TUSC3: variants seen among roughly 807,000 people sequenced by gnomAD.
TUSC3 encodes dolichyl-diphosphooligosaccharide--protein glycosyltransferase subunit TUSC3.
TUSC3 carries 45 observed loss-of-function variants against 44.8 expected under a neutral mutation model. The observed-to-expected ratio is 1.00, with a 90% CI of 0.79 to 1.29. TUSC3 has a LOEUF of 1.29. Among genes scored for constraint, TUSC3 ranks in the 50% most tolerant of loss-of-function variants. TUSC3 has a pLI of 0.00. For synonymous variants in TUSC3, 212 were observed against 152.9 expected (o/e 1.39, Z -2.85); for missense variants, 519 against 437.9 (o/e 1.19, Z -1.65).
chr8:15,739,010 C>G (rs920048650), intron 7 of TUSC3, among the ~76,000 whole-genome samples: 3 of 151,000 alleles, frequency 2.0e-5, no homozygotes, highest in African/African-American at 7.3e-5. Context: ...TTTTTGTATT[C>G]TTAATAGAGA....
chr8:15,525,219 C>T (rs1001923582), intron 2 of TUSC3, among the ~76,000 whole-genome samples: 3 of 152,118 alleles, frequency 2.0e-5, no homozygotes, highest in African/African-American at 7.2e-5. Context: ...CCTTCTTTTC[C>T]TCTATACCTA....
chr8:15,434,421 T>C (rs1799918265), intron 1 of TUSC3, among the ~76,000 whole-genome samples: 1 of 152,192 alleles, frequency 6.6e-6, no homozygotes, highest in Admixed American at 6.5e-5. Flanking sequence ...AGATTGTGAC[T>C]TTTCTTTTTT....
intron 2 of TUSC3, among the ~76,000 whole-genome samples, chr8:15,643,435 A>G (rs1806477382): frequency 6.6e-6 from 1 of 151,846 alleles, no homozygotes; most frequent in Non-Finnish European, 1.5e-5. Context: ...AGGAGAACCA[A>G]AATTTCTTTG....
chr8:15,523,708 GTATA>G lies in TUSC3; in HGVS notation n.189+40240_189+40243del, dbSNP rs71211051. ...TGTGTGTGTGTGTGTGTGTGTGTGT[GTATA>G]TATATATATATATAAAGTAGTTCTT... On this transcript the variant is annotated intron_variant and non_coding_transcript_variant, in intron 2 of 5. Transcript: ENST00000503191. Among the ~76,000 whole-genome samples the G allele has an allele frequency of 6.9e-3, 778 of 112,476 alleles. 48 individuals carry two copies. The highest frequency in any genetic ancestry group is 0.015 in the African/African-American group (394 of 25,526). 73.8% of individuals were successfully genotyped at this position (112,476 alleles called of 152,430 possible). A position where few individuals can be genotyped will look rare whatever the true frequency, so the allele number is the denominator to read the frequency against.
At chr8:15,784,535 T>C in the TUSC3 span, among the ~76,000 whole-genome samples, 2 of 151,952 alleles carry the variant, frequency 1.3e-5, no homozygotes, top group Non-Finnish European at 2.9e-5. Flanking sequence ...TATATACATA[T>C]GTGTGTGTGT....
At chr8:15,540,168 C>T, upstream of TUSC3, 1 of 427,606 alleles carries the variant, frequency 2.3e-6, no homozygotes, top group Admixed American at 4.6e-5. Flanking sequence ...GGAGCGCACG[C>T]CGCGCCCCCG....
chr8:15,751,159 A>C (rs1211494823), intron 9 of TUSC3, among the ~76,000 whole-genome samples: 3 of 152,176 alleles, frequency 2.0e-5, no homozygotes, highest in Non-Finnish European at 4.4e-5. Flanking sequence ...CTGTTAGGCA[A>C]CTTTAGATTC....
chr8:15,679,133 T>G (rs1733289000), intron 6 of TUSC3, among the ~76,000 whole-genome samples: 1 of 152,324 alleles, frequency 6.6e-6, no homozygotes, highest in African/African-American at 2.4e-5. Flanking sequence ...GTAACGAGAT[T>G]GCTAGGTAGA....
the TUSC3 span, among the ~76,000 whole-genome samples, chr8:15,808,056 A>C: frequency 6.6e-6 from 1 of 152,176 alleles, no homozygotes; most frequent in Admixed American, 6.5e-5. Context: ...ATGCTAGTAT[A>C]ATTTTAAAGC....
At chr8:15,754,768 C>G (rs1007965169) in intron 9 of TUSC3, among the ~76,000 whole-genome samples, 1 of 145,936 alleles carries the variant, frequency 6.9e-6, no homozygotes, top group East Asian at 2.0e-4. Flanking sequence ...TGTACAGAAC[C>G]GTGATCATAA....
At chr8:15,750,999 G>T (rs895472168) in intron 9 of TUSC3, among the ~76,000 whole-genome samples, 1 of 152,124 alleles carries the variant, frequency 6.6e-6, no homozygotes, top group Non-Finnish European at 1.5e-5. Context: ...GGGACACCAG[G>T]TGTGCTAAAC....
intron 2 of TUSC3, among the ~76,000 whole-genome samples, chr8:15,648,685 C>G (rs187636058): frequency 3.8e-5 from 5 of 130,208 alleles, no homozygotes; most frequent in Non-Finnish European, 7.8e-5. Context: ...GAGATCGCGC[C>G]GTTGCACTCC....
In TUSC3 at chr8:15,430,160, C is replaced by G. The variant is rs11998036; in HGVS notation, n.91+12855C>G. Among the ~76,000 whole-genome samples the G allele has an allele frequency of 1.7e-4, 25 of 147,130 alleles. 2 individuals carry two copies. The highest frequency in any genetic ancestry group is 6.1e-4 in the African/African-American group (24 of 39,116). Reference sequence around the variant, plus strand: ...GCATCATCCTGGTACCAAAGCCTGGCAGAGACACAACAAAAAAAAGAGAAT... The same window carrying G: ...GCATCATCCTGGTACCAAAGCCTGGGAGAGACACAACAAAAAAAAGAGAAT... On this transcript the variant is annotated intron_variant and non_coding_transcript_variant, in intron 1 of 5. Transcript: ENST00000503191.
intron 2 of TUSC3, among the ~76,000 whole-genome samples, chr8:15,626,831 G>C (rs907444952): frequency 6.6e-6 from 1 of 152,208 alleles, no homozygotes; most frequent in Non-Finnish European, 1.5e-5. Flanking sequence ...GTGGCTGAGG[G>C]GGGCCCTGAG....
rs143989458 is a variant in TUSC3, at chr8:15,695,791, G to A, written c.798+21955G>A. Among the ~76,000 whole-genome samples the A allele has an allele frequency of 7.2e-3, 1,093 of 152,302 alleles. 10 individuals are homozygous for A. The highest frequency in any genetic ancestry group is 0.02 in the Middle Eastern group (6 of 294). ...CTGGAGCAAAGGCGACTCTTGTTAC[G>A]TTTTAGCAGAGACAGGTGGCATTTT... On this transcript the variant is annotated intron_variant, in intron 6 of 10. Transcript: ENST00000503731.
intron 1 of TUSC3, among the ~76,000 whole-genome samples, chr8:15,565,250 C>G (rs1802622885): frequency 1.3e-5 from 2 of 151,542 alleles, no homozygotes; most frequent in South Asian, 4.2e-4. Context: ...CAGTCTCTGA[C>G]TTCCATTCCC....
chr8:15,518,211 C>G (rs1260501205), intron 2 of TUSC3, among the ~76,000 whole-genome samples: 4 of 152,026 alleles, frequency 2.6e-5, no homozygotes, highest in Non-Finnish European at 4.4e-5. Context: ...TTATGATTAG[C>G]TTAGTACTTC....
intron 9 of TUSC3, among the ~76,000 whole-genome samples, chr8:15,756,812 G>C (rs1811947213): frequency 6.6e-6 from 1 of 152,096 alleles, no homozygotes; most frequent in African/African-American, 2.4e-5. Context: ...AAGGTGTGTG[G>C]AAAAATAGTT....
intron 5 of TUSC3, among the ~76,000 whole-genome samples, chr8:15,665,453 A>G (rs1352296445): frequency 6.6e-6 from 1 of 151,320 alleles, no homozygotes; most frequent in Non-Finnish European, 1.5e-5. Context: ...GGTAGACTGT[A>G]TTTTAAGGCT....
Sources: gnomAD v4.1 joint callset for allele counts (sites outside exome capture counted in the v4.1 genomes callset) on GRCh38, gnomAD v4.1.1 for gene constraint, MANE v1.5 for transcripts, NCBI Gene and HGNC (gene_info 2026-07-23, HGNC 2026-07-21) for gene names.